Variants in PTPRN2 observed in about 807,000 individuals in gnomAD.
PTPRN2 encodes protein tyrosine phosphatase receptor type N2.
In PTPRN2, 74 loss-of-function variants were observed where a neutral mutation model predicts 118.8. That is an observed-to-expected ratio of 0.62 (90% CI 0.52 to 0.76). PTPRN2 has a LOEUF of 0.76. Among genes scored for constraint, PTPRN2 ranks in the 30% least tolerant of loss-of-function variants. PTPRN2 has a pLI of 0.00. For missense variants in PTPRN2, 1,481 were observed against 1,394.4 expected, an observed-to-expected ratio of 1.06 and a Z score of -0.99; for synonymous variants, 641 against 608.0, an observed-to-expected ratio of 1.05 and a Z score of -0.80.
chr7:158,064,615 T>C (rs1810618306), intron 11 of PTPRN2, among the ~76,000 whole-genome samples: 1 of 152,224 alleles, frequency 6.6e-6, no homozygotes, highest in Admixed American at 6.5e-5. Context: ...CAAGGACTCC[T>C]TCCTCCCCAG....
chr7:158,202,351 T>C (rs931288680), intron 4 of PTPRN2, among the ~76,000 whole-genome samples: 3 of 151,994 alleles, frequency 2.0e-5, no homozygotes, highest in Non-Finnish European at 2.9e-5. Context: ...CCTCCCTCAG[T>C]AGGTGTCAGA....
chr7:158,370,054 G>A (rs560837947), intron 2 of PTPRN2, among the ~76,000 whole-genome samples: 1 of 152,294 alleles, frequency 6.6e-6, no homozygotes, highest in South Asian at 2.1e-4. Context: ...CTTAGCTACA[G>A]ACGATGGGAA....
At chr7:157,693,426 G>T (rs549464398) in intron 12 of PTPRN2, among the ~76,000 whole-genome samples, 1 of 152,218 alleles carries the variant, frequency 6.6e-6, no homozygotes, top group South Asian at 2.1e-4. Flanking sequence ...CTGGCGACGG[G>T]GTAGGCTCGG....
intron 3 of PTPRN2, among the ~76,000 whole-genome samples, chr7:158,205,665 G>C (rs1185926988): frequency 6.6e-6 from 1 of 152,144 alleles, no homozygotes; most frequent in Non-Finnish European, 1.5e-5. Flanking sequence ...CCATATCATT[G>C]AAAGAGGCAC....
rs1298589729 is a variant in PTPRN2, at chr7:158,166,267, C to T, written c.910+664G>A. Among the ~76,000 whole-genome samples, 90 of 109,728 alleles carry T rather than the reference C, an allele frequency of 8.2e-4. 7 individuals carry two copies. The highest frequency in any genetic ancestry group is 3.0e-3 in the African/African-American group (79 of 26,084). 72.0% of individuals were successfully genotyped at this position (109,728 alleles called of 152,430 possible). ...CATCTCCTCCTCCCCCTGGCTGCCG[C>T]GTTCCCTGTCCTCACACCCTCAGGA... On this transcript the variant is annotated intron_variant, in intron 6 of 22. Transcript: ENST00000389418.
At chr7:158,428,084 C>G (rs1172973024) in intron 2 of PTPRN2, among the ~76,000 whole-genome samples, 1 of 152,240 alleles carries the variant, frequency 6.6e-6, no homozygotes, top group Non-Finnish European at 1.5e-5. Flanking sequence ...TTCAGGGGTT[C>G]TCTTAGCCTG....
rs552075677 is a variant in PTPRN2 at position 157,910,382 on chromosome 7, C to T, written c.1724-11645G>A. On this transcript the variant is annotated intron_variant, in intron 11 of 22. Coordinates refer to ENST00000389418, the MANE Select transcript of PTPRN2 (RefSeq NM_002847.5). Reference sequence around the variant, plus strand: ...TCAGGCACGTACGCCGGATCACGCACGTACGCCGTGGGGACGGGTCCAGGA... The same window carrying T: ...TCAGGCACGTACGCCGGATCACGCATGTACGCCGTGGGGACGGGTCCAGGA... Among the ~76,000 whole-genome samples, 44 of 134,536 alleles carry T rather than the reference C, an allele frequency of 3.3e-4. No homozygotes were observed. In the East Asian group the frequency reaches 9.4e-3, roughly 29 times the overall value. 88.3% of individuals were successfully genotyped at this position (134,536 alleles called of 152,430 possible).
intron 12 of PTPRN2, among the ~76,000 whole-genome samples, chr7:157,877,531 C>T (rs1423251763): frequency 2.0e-5 from 3 of 151,774 alleles, no homozygotes; most frequent in Non-Finnish European, 4.4e-5. Context: ...AGGGTTTCCT[C>T]GGGGATCCCA....
chr7:158,417,433 A>ATGC (rs577613434), intron 2 of PTPRN2, among the ~76,000 whole-genome samples: 1 of 149,676 alleles, frequency 6.7e-6, no homozygotes, highest in African/African-American at 2.5e-5. Flanking sequence ...CTACATCGAG[A>ATGC]TGCTGTAGCT....
chr7:157,540,907 G>C (rs558502047), intron 22 of PTPRN2, 122 bp from the exon 23 acceptor site: 7 of 733,230 alleles, frequency 9.5e-6, no homozygotes, highest in Admixed American at 3.0e-5. Context: ...TCAGCTCCCC[G>C]GGCCATTTCG....
intron 9 of PTPRN2, among the ~76,000 whole-genome samples, chr7:158,114,991 A>C (rs1249257348): frequency 6.6e-6 from 1 of 152,128 alleles, no homozygotes; most frequent in Non-Finnish European, 1.5e-5. Context: ...GTTTATCCCA[A>C]ATACAATGGC....
chr7:158,269,572 G>A (rs1484503248), intron 3 of PTPRN2, among the ~76,000 whole-genome samples: 1 of 152,156 alleles, frequency 6.6e-6, no homozygotes, highest in African/African-American at 2.4e-5. Context: ...CAAGTCCCTG[G>A]GGTGGGTAAA....
At chr7:157,989,616 G>C (rs1804090433) in intron 11 of PTPRN2, among the ~76,000 whole-genome samples, 1 of 151,794 alleles carries the variant, frequency 6.6e-6, no homozygotes, top group South Asian at 2.1e-4. Flanking sequence ...GGAGGGATGA[G>C]GGGGGTGGGT....
intron 21 of PTPRN2, among the ~76,000 whole-genome samples, chr7:157,549,322 C>A (rs79702110): frequency 7.2e-6 from 1 of 139,510 alleles, no homozygotes. Flanking sequence ...TCTTTCTTTT[C>A]TTTTTTTTTT....
intron 11 of PTPRN2, among the ~76,000 whole-genome samples, chr7:158,020,011 C>T (rs1273800472): frequency 1.3e-5 from 2 of 152,238 alleles, no homozygotes; most frequent in Non-Finnish European, 2.9e-5. Flanking sequence ...CCATCCAGGA[C>T]CCAGATTCAA....
chr7:158,049,099 TTACCAC>T (rs1809131315), intron 11 of PTPRN2, among the ~76,000 whole-genome samples: 1 of 152,102 alleles, frequency 6.6e-6, no homozygotes, highest in African/African-American at 2.4e-5. Flanking sequence ...ATCACTATCA[TTACCAC>T]CATCGCCATC....
chr7:157,663,544 C>A (rs1022185163), intron 13 of PTPRN2, among the ~76,000 whole-genome samples: 9 of 152,344 alleles, frequency 5.9e-5, no homozygotes, highest in Non-Finnish European at 1.0e-4. Flanking sequence ...GCTGCCTCTC[C>A]CACTCACTGT....
At chr7:157,826,840 A>G (rs994719910) in intron 12 of PTPRN2, among the ~76,000 whole-genome samples, 2 of 152,118 alleles carry the variant, frequency 1.3e-5, no homozygotes, top group African/African-American at 4.8e-5. Context: ...TCATGGGGCA[A>G]TGGGGAGCCA....
At chr7:158,156,672 G>A (rs767098873) in intron 6 of PTPRN2, among the ~76,000 whole-genome samples, 14 of 152,212 alleles carry the variant, frequency 9.2e-5, no homozygotes, top group Non-Finnish European at 1.6e-4. Context: ...CTGGGGCTTC[G>A]AGCCCCCAGT....
Sources: allele counts gnomAD v4.1 joint callset (sites outside exome capture counted in the v4.1 genomes callset), GRCh38; gene constraint gnomAD v4.1.1; transcripts MANE v1.5; gene names NCBI Gene and HGNC (gene_info 2026-07-23, HGNC 2026-07-21).